TASP1: variants seen among roughly 807,000 people sequenced by gnomAD.
The protein encoded by TASP1 is taspase 1.
In TASP1, 16 loss-of-function variants were observed where a neutral mutation model predicts 56.6. The ratio of observed to expected loss-of-function variants is 0.28; its 90% CI spans 0.19 to 0.43. The LOEUF (loss-of-function observed/expected upper bound fraction) is 0.43. Among genes scored for constraint, TASP1 ranks in the 20% least tolerant of loss-of-function variants. The probability of loss-of-function intolerance (pLI) is 1.00; values close to 1 mark genes in which losing one functional copy is unlikely to be tolerated. For synonymous variants in TASP1, 179 were observed against 184.2 expected (o/e 0.97, Z 0.23); for missense variants, 393 against 511.6 (o/e 0.77, Z 2.24).
intron 4 of TASP1, among the ~76,000 whole-genome samples, chr20:13,606,672 T>C (rs2048167411): frequency 6.6e-6 from 1 of 151,720 alleles, no homozygotes; most frequent in Admixed American, 6.6e-5. Context: ...CTGGGCGTGG[T>C]AGTGGGCGCC....
At chr20:13,525,838 T>A (rs2044956871) in intron 10 of TASP1, among the ~76,000 whole-genome samples, 1 of 152,132 alleles carries the variant, frequency 6.6e-6, no homozygotes, top group African/African-American at 2.4e-5. Flanking sequence ...TACTCTATCA[T>A]CCCCAGGTTC....
the TASP1 span, among the ~76,000 whole-genome samples, chr20:13,148,854 C>T: frequency 6.6e-6 from 1 of 152,214 alleles, no homozygotes; most frequent in South Asian, 2.1e-4. Flanking sequence ...CTGCAGAGAA[C>T]TATTGCCCAG....
chr20:13,272,855 G>T, the TASP1 span, among the ~76,000 whole-genome samples: 1 of 152,184 alleles, frequency 6.6e-6, no homozygotes, highest in African/African-American at 2.4e-5. Flanking sequence ...AGATGTTCTG[G>T]TTCCAGAATC....
At chr20:13,494,498 A>G (rs898655226) in intron 10 of TASP1, among the ~76,000 whole-genome samples, 13 of 152,134 alleles carry the variant, frequency 8.5e-5, no homozygotes, top group Non-Finnish European at 1.6e-4. Flanking sequence ...AGAAAGGGTC[A>G]CTGACTCACT....
intron 2 of TASP1, among the ~76,000 whole-genome samples, chr20:13,626,884 T>C (rs2048911648): frequency 6.6e-6 from 1 of 151,358 alleles, no homozygotes. Flanking sequence ...TTTGAAATAA[T>C]AAAAGTCTCA....
intron 4 of TASP1, among the ~76,000 whole-genome samples, chr20:13,622,247 T>G (rs1388788405): frequency 6.6e-6 from 1 of 152,164 alleles, no homozygotes; most frequent in Admixed American, 6.5e-5. Flanking sequence ...GAAGTGGGAA[T>G]TACTATCCTC....
At chr20:13,253,593 C>T in the TASP1 span, among the ~76,000 whole-genome samples, 3 of 152,228 alleles carry the variant, frequency 2.0e-5, no homozygotes, top group Non-Finnish European at 1.5e-5. Context: ...CGCCAGGAGG[C>T]CTTGCTCAAA....
the TASP1 span, among the ~76,000 whole-genome samples, chr20:13,363,616 T>A: frequency 6.6e-6 from 1 of 152,336 alleles, no homozygotes; most frequent in South Asian, 2.1e-4. Flanking sequence ...AACCTACTAC[T>A]GTATTTGCAA....
chr20:13,116,780 G>A, the TASP1 span, among the ~76,000 whole-genome samples: 1 of 152,170 alleles, frequency 6.6e-6, no homozygotes, highest in South Asian at 2.1e-4. Flanking sequence ...AGCATCTCCT[G>A]GGAGCTTGGC....
chr20:13,404,792 C>T (rs963010271), intron 13 of TASP1, among the ~76,000 whole-genome samples: 3 of 151,922 alleles, frequency 2.0e-5, no homozygotes, highest in Non-Finnish European at 4.4e-5. Context: ...TAGTCAAACA[C>T]CTATTTCTAT....
chr20:13,302,358 T>C, the TASP1 span, among the ~76,000 whole-genome samples: 4 of 152,170 alleles, frequency 2.6e-5, no homozygotes, highest in African/African-American at 9.7e-5. Flanking sequence ...CTCTGGAAAT[T>C]TGCTGAACTA....
chr20:13,500,200 TTA>T (rs920363468), intron 10 of TASP1, among the ~76,000 whole-genome samples: 4 of 149,764 alleles, frequency 2.7e-5, no homozygotes, highest in African/African-American at 4.9e-5. Context: ...TATAAAACAT[TTA>T]TATATGTTTA....
At chr20:13,540,107 C>T (rs1290467631) in intron 8 of TASP1, among the ~76,000 whole-genome samples, 1 of 152,166 alleles carries the variant, frequency 6.6e-6, no homozygotes, top group African/African-American at 2.4e-5. Flanking sequence ...TAGTGAACCA[C>T]TGGTTAAAGA....
At position 13,615,498 on chromosome 20, in the gene TASP1, T is replaced by A. The variant is rs868764577; in HGVS notation, c.282+7948A>T. 3.3e-4 allele frequency among the ~76,000 whole-genome samples: 50 copies of A among 150,468 alleles called. No individual in the cohort carries two copies. In the South Asian group the frequency reaches 0.01, roughly 31 times the overall value. On this transcript the variant is annotated intron_variant, in intron 4 of 13. Transcript: ENST00000337743. ...GCAAGATTTAGAATCTTGATGAGAA[T>A]CTGGTTTTTTTTTTTTTTTTTTTTG...
the TASP1 span, among the ~76,000 whole-genome samples, chr20:13,211,388 G>C: frequency 4.6e-5 from 7 of 152,022 alleles, no homozygotes; most frequent in Non-Finnish European, 7.4e-5. Flanking sequence ...GCCATAAATG[G>C]TCATCTGAAA....
chr20:13,388,347 A>C, downstream of TASP1, among the ~76,000 whole-genome samples: 1 of 152,124 alleles, frequency 6.6e-6, no homozygotes, highest in Admixed American at 6.5e-5. Context: ...TTTTGCCTCC[A>C]TGATTCTGAA....
At chr20:13,288,389 G>A in the TASP1 span, 2 of 805,062 alleles carry the variant, frequency 2.5e-6, no homozygotes, top group East Asian at 2.7e-5. Flanking sequence ...CCCTGGAGCT[G>A]TAAACCTTTT....
At chr20:13,531,733 A>G (rs1268213512) in intron 9 of TASP1, among the ~76,000 whole-genome samples, 2 of 152,088 alleles carry the variant, frequency 1.3e-5, no homozygotes, top group African/African-American at 4.8e-5. Flanking sequence ...GCGAGATCTC[A>G]GCTCACTGCA....
chr20:13,154,209 C>T, the TASP1 span: 15 of 1,580,742 alleles, frequency 9.5e-6, no homozygotes, highest in South Asian at 5.8e-5. Flanking sequence ...TTGGCACAGG[C>T]GTTAGATTAT....
Sources: allele counts gnomAD v4.1 joint callset (sites outside exome capture counted in the v4.1 genomes callset), GRCh38; gene constraint gnomAD v4.1.1; transcripts MANE v1.5; gene names NCBI Gene and HGNC (gene_info 2026-07-23, HGNC 2026-07-21).